PIK3CD: variants seen among roughly 807,000 people sequenced by gnomAD.
PIK3CD encodes phosphatidylinositol 4,5-bisphosphate 3-kinase catalytic subunit delta isoform.
In PIK3CD, 20 loss-of-function variants were observed where a neutral mutation model predicts 122.9. The ratio of observed to expected loss-of-function variants is 0.16; its 90% CI spans 0.11 to 0.24. The LOEUF (loss-of-function observed/expected upper bound fraction) is 0.24, where lower values mean the gene tolerates loss of function less well. Among genes scored for constraint, PIK3CD ranks in the 10% least tolerant of loss-of-function variants. The pLI is 1.00. For missense variants in PIK3CD, 787 were observed against 1,406.3 expected (o/e 0.56, Z 7.04); for synonymous variants, 596 against 593.4 (o/e 1.00, Z -0.06).
rs28730672 is a variant in PIK3CD at position 9,718,708 on chromosome 1, C to T, written c.1035C>T (p.Ala345=). 6.8e-4 allele frequency: 1,094 copies of T among 1,604,338 alleles called. 8 individuals are homozygous for T. The African/African-American group carries it at 0.013, about 19-fold the overall frequency. The change falls in exon 9 of 24, where the codon GCC becomes GCT. Residue 345 remains alanine (A), a synonymous_variant. Coordinates refer to ENST00000377346, the MANE Select transcript of PIK3CD (RefSeq NM_005026.5). This position sits in a 1 kb window ranked among gnomAD's most constrained non-coding sequence, Gnocchi z 7.2. The part of the protein sequence containing the change: ...ADERMKLVVQ[A]GLFHGNEMLC... The stretch of plus-strand genomic sequence containing the variant: ...ACCTTCTACAGCTGGTGGTGCAGGC[C>T]GGGCTTTTCCACGGCAACGAGATGC...
intron 1 of PIK3CD, among the ~76,000 whole-genome samples, chr1:9,656,066 C>T (rs1173189031): frequency 2.6e-5 from 4 of 151,970 alleles, no homozygotes; most frequent in African/African-American, 7.3e-5. Context: ...AGTGGTATTT[C>T]GGTTGGCTTC....
chr1:9,640,972 G>A, the PIK3CD span, among the ~76,000 whole-genome samples: 1 of 152,118 alleles, frequency 6.6e-6, no homozygotes, highest in South Asian at 2.1e-4. Flanking sequence ...GTTCATCCAG[G>A]TCCGTGCTCA....
chr1:9,654,475 T>C (rs1644780590), intron 1 of PIK3CD: 1 of 665,258 alleles, frequency 1.5e-6, no homozygotes, highest in East Asian at 2.0e-4. Context: ...AGTCCACCAA[T>C]GGTTGTGCGA....
chr1:9,673,010 A>G lies in PIK3CD; in HGVS notation c.-137-18457A>G, dbSNP rs898010998. Among the ~76,000 whole-genome samples the G allele has an allele frequency of 4.0e-5, 6 of 151,774 alleles. No individual in the cohort carries two copies. In the East Asian group the frequency reaches 5.8e-4, roughly 15 times the overall value. The stretch of plus-strand genomic sequence containing the variant: ...CATTGGTTCCCTGATCTGCTCTCAG[A>G]TGGCCAAGGGCTTATGTTTGAGTAG... On this transcript the variant is annotated intron_variant, in intron 1 of 23. Coordinates refer to ENST00000377346, the MANE Select transcript of PIK3CD (RefSeq NM_005026.5).
chr1:9,686,363 TTC>T (rs1557623033), intron 1 of PIK3CD, among the ~76,000 whole-genome samples: 2 of 147,890 alleles, frequency 1.4e-5, no homozygotes, highest in Admixed American at 6.8e-5. Context: ...CAGGCTAATT[TTC>T]TTTTTTTTTT....
chr1:9,675,567 T>A (rs1020801766), intron 1 of PIK3CD, among the ~76,000 whole-genome samples: 15 of 151,774 alleles, frequency 9.9e-5, no homozygotes, highest in African/African-American at 3.6e-4. Context: ...ACGGGCTTGT[T>A]CCCAGGAAGA....
chr1:9,720,594 G>T lies in PIK3CD; in HGVS notation c.1471-17G>T, dbSNP rs1176722723. The T allele has an allele frequency of 6.5e-7, 1 of 1,544,614 alleles. No individual in the cohort carries two copies. The highest frequency in any genetic ancestry group is 8.7e-7 in the Non-Finnish European group (1 of 1,144,382). ...GTCCAGGCCCCTGGGGACGCTGAGT[G>T]CAGCCGTTTGTTGCAGATCTTGGAG... On this transcript the variant is annotated splice_polypyrimidine_tract_variant and intron_variant, in intron 11 of 23. Coordinates refer to ENST00000377346, the MANE Select transcript of PIK3CD (RefSeq NM_005026.5). The surrounding 1 kb of genome is among the most constrained non-coding windows in gnomAD (Gnocchi z 9.0).
At chr1:9,712,821 A>T (rs1412320161) in intron 3 of PIK3CD, among the ~76,000 whole-genome samples, 1 of 152,092 alleles carries the variant, frequency 6.6e-6, no homozygotes, top group East Asian at 1.9e-4. Flanking sequence ...GAATTGCTTG[A>T]GCCCAGGAGT....
chr1:9,645,086 C>T, the PIK3CD span, among the ~76,000 whole-genome samples: 2 of 145,646 alleles, frequency 1.4e-5, no homozygotes. Flanking sequence ...AGTGCAGTGG[C>T]GCAACCTCGG....
chr1:9,677,154 G>A (rs763850577), intron 1 of PIK3CD, among the ~76,000 whole-genome samples: 14 of 152,126 alleles, frequency 9.2e-5, no homozygotes, highest in Non-Finnish European at 2.1e-4. Context: ...CGAGTGCCTG[G>A]GCAGAGAGCC....
intron 6 of PIK3CD, 123 bp from the exon 7 acceptor site, chr1:9,716,836 A>AC: frequency 7.1e-7 from 1 of 1,402,942 alleles, no homozygotes; most frequent in Non-Finnish European, 1.0e-6. Flanking sequence ...AACCAGCAGG[A>AC]AGCCCTCCCC....
Position 9,700,299 on chromosome 1 carries a change from C to T in PIK3CD, c.-33+8728C>T, listed in dbSNP as rs1449256312. On this transcript the variant is annotated intron_variant, in intron 2 of 23. Transcript: ENST00000377346. This position sits in a 1 kb window ranked among gnomAD's most constrained non-coding sequence, Gnocchi z 5.1. ...CCTCAGACGTTCACAGCTGGGACGC[C>T]GTTCTTCCACCTTGGGCTCCAGAAA... Among the ~76,000 whole-genome samples, 3 of 151,996 alleles carry T rather than the reference C, an allele frequency of 2.0e-5. No individual in the cohort carries two copies. Among genetic ancestry groups the T allele is most frequent in the South Asian group, 2.1e-4 (1 of 4,824 alleles).
rs1015137346 is a variant in PIK3CD, at chr1:9,682,541, GTATT to G, written c.-137-8912_-137-8909del. The stretch of plus-strand genomic sequence containing the variant: ...GCGTCAGCCACCACGTCTGGCCTGG[GTATT>G]TATTTATTTATTTCGAGACGGAGTC... On this transcript the variant is annotated intron_variant, in intron 1 of 23. Coordinates refer to ENST00000377346, the MANE Select transcript of PIK3CD (RefSeq NM_005026.5). Among the ~76,000 whole-genome samples the G allele has an allele frequency of 2.7e-5, 4 of 148,714 alleles. No homozygotes were observed. The East Asian group carries it at 6.0e-4, about 22-fold the overall frequency.
chr1:9,716,586 C>A lies in PIK3CD; in HGVS notation c.747C>A (p.Tyr249Ter). 2 of 1,579,924 alleles carry A rather than the reference C, an allele frequency of 1.3e-6. No individual in the cohort carries two copies. The highest frequency in any genetic ancestry group is 1.7e-6 in the Non-Finnish European group (2 of 1,164,870). The part of the protein sequence containing the change: ...YTLQVNGRHE[Y>*]LYGSYPLCQF... ...TGCAGGTGAACGGCAGGCATGAGTA[C>A]CTGTATGGCAGCTACCCGCTCTGCC... is the stretch of plus-strand genomic sequence containing the variant. Residue 249 changes from tyrosine to a stop codon, truncating the protein, a stop_gained, in exon 6 of 24, where the codon TAC (tyrosine) becomes TAA (stop). Transcript: ENST00000377346. LOFTEE classifies it high-confidence loss of function.
intron 2 of PIK3CD, among the ~76,000 whole-genome samples, chr1:9,692,157 A>G (rs968962000): frequency 6.6e-6 from 1 of 152,136 alleles, no homozygotes; most frequent in Non-Finnish European, 1.5e-5. Context: ...GTTGGCTACC[A>G]CACCCATCTG....
In PIK3CD at chr1:9,724,099, G is replaced by A. The variant is rs1649113154; in HGVS notation, c.2718+7G>A. 6.2e-7 allele frequency: 1 copy of A among 1,614,038 alleles called. No homozygotes were observed. Among genetic ancestry groups the A allele is most frequent in the African/African-American group, 1.3e-5 (1 of 74,922 alleles). ...GATCCGAGAGAGTGGGCAGGTACAG[G>A]GGCTGGTGCTGGCGGCTGCTGTGGG... On this transcript the variant is annotated splice_region_variant and intron_variant, in intron 21 of 23. Coordinates refer to ENST00000377346, the MANE Select transcript of PIK3CD (RefSeq NM_005026.5). The surrounding 1 kb of genome is among the most constrained non-coding windows in gnomAD (Gnocchi z 7.3).
chr1:9,661,776 C>G (rs1424961734), intron 1 of PIK3CD, among the ~76,000 whole-genome samples: 2 of 152,152 alleles, frequency 1.3e-5, no homozygotes, highest in African/African-American at 4.8e-5. Context: ...GCGGACGGAT[C>G]ACGAGGTTAA....
upstream of PIK3CD, among the ~76,000 whole-genome samples, chr1:9,648,115 A>T (rs754482029): frequency 6.6e-6 from 1 of 152,244 alleles, no homozygotes; most frequent in Non-Finnish European, 1.5e-5. Context: ...AATTTTATTT[A>T]ACAGGCAGAA....
At chr1:9,671,020 A>G (rs1391861020) in intron 1 of PIK3CD, among the ~76,000 whole-genome samples, 1 of 152,120 alleles carries the variant, frequency 6.6e-6, no homozygotes, top group Non-Finnish European at 1.5e-5. Context: ...AACCTCCCAA[A>G]GTGCTGGGAT....
Sources: gnomAD v4.1 joint callset for allele counts (sites outside exome capture counted in the v4.1 genomes callset) on GRCh38, gnomAD v4.1.1 for gene constraint, Gnocchi (gnomAD v3.1) non-coding constraint, MANE v1.5 for transcripts, NCBI Gene and HGNC (gene_info 2026-07-23, HGNC 2026-07-21) for gene names.